The following GABRA3 variants were observed in gnomAD, a reference collection of about 807,000 sequenced individuals.
GABRA3 encodes the protein gamma-aminobutyric acid type A receptor subunit alpha3, also known as gamma-aminobutyric acid receptor subunit alpha-3.
GABRA3 carries 10 observed loss-of-function variants against 30.1 expected under a neutral mutation model. That is an observed-to-expected ratio of 0.33 (90% CI 0.20 to 0.56). GABRA3 has a LOEUF of 0.56. Among genes scored for constraint, GABRA3 ranks in the 20% least tolerant of loss-of-function variants. The pLI is 0.89. For synonymous variants in GABRA3, 151 were observed against 146.8 expected, an observed-to-expected ratio of 1.03 and a Z score of -0.21; for missense variants, 233 against 392.0, an observed-to-expected ratio of 0.59 and a Z score of 3.42.
intron 8 of GABRA3, 119 bp from the exon 9 acceptor site, chrX:152,190,060 A>G: frequency 2.1e-6 from 1 of 479,386 alleles, no homozygotes; most frequent in East Asian, 3.9e-5. Flanking sequence ...TGGCCCTTTT[A>G]AAATAAAATA....
intron 5 of GABRA3, among the ~76,000 whole-genome samples, chrX:152,240,788 G>A (rs867100461): frequency 9.2e-5 from 9 of 98,150 alleles, no homozygotes; most frequent in African/African-American, 1.6e-4. Context: ...TGATCGCATC[G>A]GCTCCTGAGG....
At chrX:152,415,827 C>A (rs1420903240) in intron 1 of GABRA3, among the ~76,000 whole-genome samples, 1 of 111,072 alleles carries the variant, frequency 9.0e-6, no homozygotes, top group Non-Finnish European at 1.9e-5. Context: ...GTAACATTAA[C>A]TAGGGCTTTC....
rs778458557 is a variant in GABRA3 at position 152,221,128 on chromosome X, C to T, written c.634+3635G>A. On this transcript the variant is annotated intron_variant, in intron 6 of 9. Coordinates refer to ENST00000370314, the MANE Select transcript of GABRA3 (RefSeq NM_000808.4). ...TATATTTTAAGTCATTCTATTTTAC[C>T]TTTATGGTTAATGTTAGTCTATGTC... is the stretch of plus-strand genomic sequence containing the variant. Among the ~76,000 whole-genome samples, 30 of 111,004 alleles carry T rather than the reference C, an allele frequency of 2.7e-4. No individual in the cohort carries two copies. The East Asian group carries it at 7.9e-3, about 29-fold the overall frequency.
intron 5 of GABRA3, among the ~76,000 whole-genome samples, chrX:152,237,528 T>G: frequency 9.7e-6 from 1 of 103,112 alleles, no homozygotes. Flanking sequence ...TCCAATTCTG[T>G]GAAGAAAGTC....
intron 5 of GABRA3, among the ~76,000 whole-genome samples, chrX:152,225,679 T>C (rs1401301219): frequency 1.3e-4 from 12 of 93,081 alleles, no homozygotes; most frequent in Admixed American, 1.2e-3. Flanking sequence ...CCCCTTCTGA[T>C]TTTTTTTTTT....
At chrX:152,395,547 G>C (rs1929637681) in intron 1 of GABRA3, among the ~76,000 whole-genome samples, 1 of 111,444 alleles carries the variant, frequency 9.0e-6, no homozygotes, top group African/African-American at 3.3e-5. Context: ...TTCAGTTAAG[G>C]ATAAGATGAC....
At chrX:152,252,309 A>C (rs1307034902) in intron 5 of GABRA3, among the ~76,000 whole-genome samples, 1 of 111,717 alleles carries the variant, frequency 9.0e-6, no homozygotes. Flanking sequence ...TTAAGTCTCT[A>C]TATTACATCT....
intron 2 of GABRA3, among the ~76,000 whole-genome samples, chrX:152,356,399 T>G (rs1940549539): frequency 9.0e-6 from 1 of 111,723 alleles, no homozygotes. Context: ...AGTAATGGAT[T>G]TTTTTCAATA....
At position 152,369,824 on chromosome X, in the gene GABRA3, C is replaced by G. The variant is rs1928785242; in HGVS notation, c.-26-5228G>C. Among the ~76,000 whole-genome samples, 3 of 110,721 alleles carry G rather than the reference C, an allele frequency of 2.7e-5. No homozygotes were observed. In the South Asian group the frequency reaches 1.2e-3, roughly 43 times the overall value. On this transcript the variant is annotated intron_variant, in intron 1 of 9. Coordinates refer to ENST00000370314, the MANE Select transcript of GABRA3 (RefSeq NM_000808.4). Reference sequence around the variant, plus strand: ...TTTTTTAAATTCAAAGATATATGCCCAATGCATAGAAGAATATCTGACAAA... The same window carrying G: ...TTTTTTAAATTCAAAGATATATGCCGAATGCATAGAAGAATATCTGACAAA...
At chrX:152,215,297 T>C (rs1248772108) in intron 6 of GABRA3, among the ~76,000 whole-genome samples, 3 of 110,216 alleles carry the variant, frequency 2.7e-5, no homozygotes, top group East Asian at 2.9e-4. Flanking sequence ...TGCTGTAGGT[T>C]TGTCATATAT....
chrX:152,338,191 T>C (rs1029823251), intron 3 of GABRA3, among the ~76,000 whole-genome samples: 1 of 111,873 alleles, frequency 8.9e-6, no homozygotes, highest in African/African-American at 3.3e-5. Context: ...GTCACCAGCA[T>C]CTGTTATTGT....
At chrX:152,237,638 T>C (rs1337975185) in intron 5 of GABRA3, among the ~76,000 whole-genome samples, 1 of 108,201 alleles carries the variant, frequency 9.2e-6, no homozygotes, top group African/African-American at 3.4e-5. Flanking sequence ...GCATGGAATA[T>C]TCTTCCATTT....
chrX:152,176,492 A>C (rs1334847655), intron 9 of GABRA3, among the ~76,000 whole-genome samples: 1 of 110,969 alleles, frequency 9.0e-6, no homozygotes, highest in African/African-American at 3.3e-5. Context: ...GGACTTGCTG[A>C]TGAGTTAGGT....
intron 4 of GABRA3, among the ~76,000 whole-genome samples, chrX:152,274,054 G>A (rs902119512): frequency 5.4e-5 from 6 of 111,396 alleles, no homozygotes; most frequent in African/African-American, 2.0e-4. Flanking sequence ...TAAAGGTAGA[G>A]CTGTAAAGTA....
chrX:152,237,393 C>T (rs1336255938), intron 5 of GABRA3, among the ~76,000 whole-genome samples: 1 of 105,671 alleles, frequency 9.5e-6, no homozygotes, highest in African/African-American at 3.5e-5. Flanking sequence ...GTTTTGGTTA[C>T]TGTAGCCTTG....
At chrX:152,227,703 T>C (rs1437079352) in intron 5 of GABRA3, among the ~76,000 whole-genome samples, 1 of 109,143 alleles carries the variant, frequency 9.2e-6, no homozygotes, top group Non-Finnish European at 1.9e-5. Flanking sequence ...CTAAGGATTC[T>C]ATTTACCTAA....
At chrX:152,291,566 G>T (rs1001101123) in intron 3 of GABRA3, among the ~76,000 whole-genome samples, 1 of 111,688 alleles carries the variant, frequency 9.0e-6, no homozygotes, top group African/African-American at 3.3e-5. Context: ...GGAGTGGTGG[G>T]AGAGGGCATC....
intron 1 of GABRA3, among the ~76,000 whole-genome samples, chrX:152,416,703 C>A (rs1367043126): frequency 1.8e-5 from 2 of 110,547 alleles, no homozygotes; most frequent in East Asian, 2.9e-4. Flanking sequence ...CAGAACAGAG[C>A]CCTCAGAAAT....
intron 1 of GABRA3, among the ~76,000 whole-genome samples, chrX:152,419,045 AAAACC>A (rs1360430104): frequency 9.0e-6 from 1 of 111,159 alleles, no homozygotes; most frequent in Non-Finnish European, 1.9e-5. Flanking sequence ...GCAAGGACAA[AAAACC>A]AAACACCGCA....
Sources: gnomAD v4.1 joint callset for allele counts (sites outside exome capture counted in the v4.1 genomes callset) on GRCh38, gnomAD v4.1.1 for gene constraint, MANE v1.5 for transcripts, NCBI Gene and HGNC (gene_info 2026-07-23, HGNC 2026-07-21) for gene names.